RIGI: variants seen among roughly 807,000 people sequenced by gnomAD.
RIGI encodes RNA sensor RIG-I.
the RIGI span, among the ~76,000 whole-genome samples, chr9:32,516,830 T>C: frequency 6.6e-6 from 1 of 152,160 alleles, no homozygotes; most frequent in Non-Finnish European, 1.5e-5. Context: ...TTTGGAAAAT[T>C]CCTAAGAAAT....
chr9:32,505,150 C>A, the RIGI span, among the ~76,000 whole-genome samples: 1 of 147,436 alleles, frequency 6.8e-6, no homozygotes. Context: ...TCCAAAGCAG[C>A]CTAGAAAAAA....
At chr9:32,478,267 A>G in the RIGI span, among the ~76,000 whole-genome samples, 1 of 151,632 alleles carries the variant, frequency 6.6e-6, no homozygotes, top group African/African-American at 2.4e-5. Flanking sequence ...CTGGTCTTGA[A>G]CTCCTGACCT....
the RIGI span, chr9:32,473,029 T>C: frequency 6.2e-7 from 1 of 1,611,384 alleles, no homozygotes; most frequent in Non-Finnish European, 8.5e-7. Context: ...TTTAGAAAAC[T>C]GAGTTTAGGA....
the RIGI span, among the ~76,000 whole-genome samples, chr9:32,493,160 G>C: frequency 6.6e-6 from 1 of 152,302 alleles, no homozygotes; most frequent in East Asian, 1.9e-4. Flanking sequence ...AAATTCATCT[G>C]TGTCCAGAGT....
chr9:32,467,253 A>G, the RIGI span, among the ~76,000 whole-genome samples: 2 of 152,210 alleles, frequency 1.3e-5, no homozygotes, highest in Admixed American at 1.3e-4. Flanking sequence ...AGCATCAAGT[A>G]AATTGGGGAA....
the RIGI span, chr9:32,526,054 C>T: frequency 1.2e-6 from 2 of 1,606,338 alleles, no homozygotes; most frequent in Non-Finnish European, 1.7e-6. Flanking sequence ...CCGCTGGAGA[C>T]ACTCACCCTC....
At chr9:32,513,253 A>G in the RIGI span, among the ~76,000 whole-genome samples, 1 of 152,182 alleles carries the variant, frequency 6.6e-6, no homozygotes, top group Admixed American at 6.5e-5. Context: ...AAAAGAGCCC[A>G]CATAGCCAAG....
At chr9:32,455,585 T>C in the RIGI span, 6 of 151,974 alleles carry the variant, frequency 3.9e-5, no homozygotes, top group Admixed American at 1.3e-4. Flanking sequence ...TAATTCAAGA[T>C]GAGATTTGGG....
the RIGI span, chr9:32,485,323 A>G: frequency 4.4e-6 from 6 of 1,356,508 alleles, no homozygotes; most frequent in Non-Finnish European, 6.2e-6. Flanking sequence ...AAGAGTGAGT[A>G]TATTTTCAGG....
At chr9:32,489,209 A>C in the RIGI span, 1 of 594,246 alleles carries the variant, frequency 1.7e-6, no homozygotes, top group Non-Finnish European at 2.9e-6. Context: ...CATTAGGATT[A>C]TATTAGGACA....
chr9:32,497,801 A>C, the RIGI span, among the ~76,000 whole-genome samples: 1 of 151,958 alleles, frequency 6.6e-6, no homozygotes, highest in Non-Finnish European at 1.5e-5. Flanking sequence ...TGCCATCTGC[A>C]AACAGATTAT....
chr9:32,504,400 C>T, the RIGI span, among the ~76,000 whole-genome samples: 3 of 151,944 alleles, frequency 2.0e-5, no homozygotes, highest in African/African-American at 4.8e-5. Context: ...TGTCACAGCC[C>T]GGCACAGTGG....
the RIGI span, among the ~76,000 whole-genome samples, chr9:32,490,831 A>G: frequency 6.6e-6 from 1 of 152,176 alleles, no homozygotes; most frequent in Non-Finnish European, 1.5e-5. Context: ...TGCAAACGAC[A>G]CAGGCTGGAT....
chr9:32,464,791 C>T, the RIGI span, among the ~76,000 whole-genome samples: 1 of 152,174 alleles, frequency 6.6e-6, no homozygotes, highest in Non-Finnish European at 1.5e-5. Flanking sequence ...GCCAGTAACT[C>T]CCAGCTACAC....
At chr9:32,526,166 T>G in the RIGI span, 1 of 1,611,084 alleles carries the variant, frequency 6.2e-7, no homozygotes, top group African/African-American at 1.3e-5. Context: ...TCGGTGGTCA[T>G]GCCGGCCTCT....
At chr9:32,462,404 CTTTTTT>C in the RIGI span, among the ~76,000 whole-genome samples, 41 of 85,912 alleles carry the variant, frequency 4.8e-4, no homozygotes, top group African/African-American at 1.7e-3. Flanking sequence ...TTAGATCTAG[CTTTTTT>C]TTTTTTTTTT....
the RIGI span, among the ~76,000 whole-genome samples, chr9:32,504,375 C>T: frequency 6.6e-6 from 1 of 152,048 alleles, no homozygotes; most frequent in African/African-American, 2.4e-5. Flanking sequence ...TGAATCCTCA[C>T]TGATAAAGTA....
the RIGI span, chr9:32,456,194 G>A: frequency 6.6e-6 from 1 of 152,134 alleles, no homozygotes; most frequent in Admixed American, 6.6e-5. Flanking sequence ...ATCATTATAG[G>A]AAAATGGTCA....
the RIGI span, among the ~76,000 whole-genome samples, chr9:32,469,477 A>G: frequency 3.3e-4 from 51 of 152,304 alleles, no homozygotes; most frequent in African/African-American, 1.2e-3. Context: ...GCAATCTGTA[A>G]AGGGAAAACT....
Sources: allele counts gnomAD v4.1 joint callset (sites outside exome capture counted in the v4.1 genomes callset), GRCh38; gene constraint gnomAD v4.1.1; transcripts MANE v1.5; gene names NCBI Gene and HGNC (gene_info 2026-07-23, HGNC 2026-07-21).